The following SORCS3 variants were observed in gnomAD, a reference collection of about 807,000 sequenced individuals.
The protein encoded by SORCS3 is sortilin related VPS10 domain containing receptor 3.
In SORCS3, 57 loss-of-function variants were observed where a neutral mutation model predicts 146.3. That is an observed-to-expected ratio of 0.39 (90% CI 0.31 to 0.49). The LOEUF is 0.49. Ranked by LOEUF, SORCS3 falls within the 20% of genes least tolerant of loss-of-function variation. The pLI is 0.92. For missense variants in SORCS3, 1,341 were observed against 1,575.5 expected (o/e 0.85, Z 2.52); for synonymous variants, 653 against 618.5 (o/e 1.06, Z -0.83).
chr10:104,721,404 G>C (rs1295644528), intron 1 of SORCS3, among the ~76,000 whole-genome samples: 1 of 152,222 alleles, frequency 6.6e-6, no homozygotes, highest in Non-Finnish European at 1.5e-5. Flanking sequence ...TTGAAGTCAG[G>C]TAGCCTGATG....
At chr10:104,701,277 G>A (rs1050681417) in intron 1 of SORCS3, among the ~76,000 whole-genome samples, 4 of 152,188 alleles carry the variant, frequency 2.6e-5, no homozygotes, top group Non-Finnish European at 2.9e-5. Context: ...ACAAGGGGTA[G>A]GAGACGGATC....
At chr10:104,653,498 G>A (rs954517499) in intron 1 of SORCS3, among the ~76,000 whole-genome samples, 1 of 152,040 alleles carries the variant, frequency 6.6e-6, no homozygotes. Flanking sequence ...ATATCCTCAA[G>A]TAATCTTTTT....
rs921387647 is a variant in SORCS3 at position 104,736,794 on chromosome 10, A to C, written c.627+94840A>C. Among the ~76,000 whole-genome samples the C allele has an allele frequency of 1.9e-4, 26 of 137,598 alleles. 1 individual carries two copies. The highest frequency in any genetic ancestry group is 3.8e-3 in the Middle Eastern group (1 of 264). 90.3% of individuals were successfully genotyped at this position (137,598 alleles called of 152,430 possible). ...GTTTTCTTTTTTTTTTTTTATTATT[A>C]TTATACTTAAAGTTTTCGGGTACAT... On this transcript the variant is annotated intron_variant, in intron 1 of 26. Transcript: ENST00000369701.
chr10:105,216,779 G>C (rs2056667562), intron 18 of SORCS3, among the ~76,000 whole-genome samples, 157 bp from the exon 19 acceptor site: 1 of 152,142 alleles, frequency 6.6e-6, no homozygotes, highest in African/African-American at 2.4e-5. Flanking sequence ...GTACCCTGCG[G>C]ATCAGATAGG....
intron 4 of SORCS3, among the ~76,000 whole-genome samples, chr10:104,985,914 C>T (rs2054959587): frequency 6.6e-6 from 1 of 152,160 alleles, no homozygotes; most frequent in Non-Finnish European, 1.5e-5. Flanking sequence ...ATTTATAGAG[C>T]ACAGGCAGAG....
Position 105,164,386 on chromosome 10 carries a change from G to C in SORCS3, c.1809+7G>C. The C allele has an allele frequency of 6.2e-7, 1 of 1,605,346 alleles. No homozygotes were observed. The highest frequency in any genetic ancestry group is 8.5e-7 in the Non-Finnish European group (1 of 1,172,262). On this transcript the variant is annotated splice_region_variant and intron_variant, in intron 12 of 26. Transcript: ENST00000369701. Reference sequence around the variant, plus strand: ...GGGCAACACATGGAGACAGGTAACTGGGTGAATTGACAAAAAGGGAGGAGG... The same window carrying C: ...GGGCAACACATGGAGACAGGTAACTCGGTGAATTGACAAAAAGGGAGGAGG...
intron 6 of SORCS3, among the ~76,000 whole-genome samples, chr10:105,094,860 G>A (rs559258679): frequency 2.2e-4 from 33 of 152,198 alleles, no homozygotes; most frequent in South Asian, 1.4e-3. Context: ...GTGCAAGGCT[G>A]TAAATTATAA....
At chr10:104,842,652 C>T (rs2133547035) in intron 1 of SORCS3, 140 bp from the exon 2 acceptor site, 2 of 603,624 alleles carry the variant, frequency 3.3e-6, no homozygotes, top group East Asian at 2.8e-5. Context: ...CCTATAATAC[C>T]CCGCAACTCA....
intron 1 of SORCS3, among the ~76,000 whole-genome samples, chr10:104,656,120 A>C (rs1303205065): frequency 6.6e-6 from 1 of 152,202 alleles, no homozygotes; most frequent in Non-Finnish European, 1.5e-5. Context: ...TAACTTAGGA[A>C]GGGCAGAGAG....
rs557424991 is a variant in SORCS3, at chr10:104,983,201, A to G, written c.954+5708A>G. Among the ~76,000 whole-genome samples, 28 of 152,128 alleles carry G rather than the reference A, an allele frequency of 1.8e-4. 1 individual carries two copies. In the South Asian group the frequency reaches 5.4e-3, roughly 29 times the overall value. The stretch of plus-strand genomic sequence containing the variant: ...TTTTATGTAGAGATGAGGTTTTGCC[A>G]TGTTAGTCAGGCTGGTCTCAAGCTC... On this transcript the variant is annotated intron_variant, in intron 4 of 26. Transcript: ENST00000369701.
At chr10:105,018,531 A>G (rs554522013) in intron 4 of SORCS3, among the ~76,000 whole-genome samples, 2 of 152,356 alleles carry the variant, frequency 1.3e-5, no homozygotes, top group South Asian at 2.1e-4. Context: ...AGGGCAGGAA[A>G]ACAACAAATA....
intron 4 of SORCS3, among the ~76,000 whole-genome samples, chr10:105,004,318 A>G (rs2055080215): frequency 6.6e-6 from 1 of 152,148 alleles, no homozygotes; most frequent in African/African-American, 2.4e-5. Flanking sequence ...GGGACTCTCT[A>G]CGGAGGGATG....
chr10:104,961,803 T>C (rs2054797703), intron 3 of SORCS3, among the ~76,000 whole-genome samples: 1 of 152,072 alleles, frequency 6.6e-6, no homozygotes, highest in Admixed American at 6.6e-5. Flanking sequence ...TACAATGAAC[T>C]GAATATTTGG....
chr10:104,876,090 A>T (rs1331093864), intron 2 of SORCS3, among the ~76,000 whole-genome samples: 1 of 152,164 alleles, frequency 6.6e-6, no homozygotes, highest in African/African-American at 2.4e-5. Flanking sequence ...TCACCTTGAC[A>T]TGGTTATTAG....
chr10:104,898,536 T>C (rs2018821271), intron 2 of SORCS3, among the ~76,000 whole-genome samples: 1 of 152,196 alleles, frequency 6.6e-6, no homozygotes, highest in African/African-American at 2.4e-5. Context: ...TATATTCCTG[T>C]GGCAGGGACT....
intron 1 of SORCS3, among the ~76,000 whole-genome samples, chr10:104,688,346 C>T (rs1034005399): frequency 6.6e-6 from 1 of 152,170 alleles, no homozygotes; most frequent in Admixed American, 6.5e-5. Flanking sequence ...CAGGCAGAGG[C>T]TGCGTGTGTG....
At chr10:104,937,274 T>C (rs1344453926) in intron 3 of SORCS3, among the ~76,000 whole-genome samples, 4 of 152,210 alleles carry the variant, frequency 2.6e-5, no homozygotes, top group Non-Finnish European at 5.9e-5. Context: ...CTGACCAGTA[T>C]AGGGGTTGAG....
intron 1 of SORCS3, among the ~76,000 whole-genome samples, chr10:104,770,481 CAAT>C (rs965741911): frequency 2.6e-5 from 4 of 151,926 alleles, no homozygotes; most frequent in African/African-American, 9.7e-5. Flanking sequence ...GATAGAAGTA[CAAT>C]GAGTCACATA....
intron 1 of SORCS3, among the ~76,000 whole-genome samples, chr10:104,819,582 CT>C (rs2017849096): frequency 6.6e-6 from 1 of 152,190 alleles, no homozygotes; most frequent in African/African-American, 2.4e-5. Flanking sequence ...TGAACTTTTC[CT>C]TGGAGCGGGG....
Sources: allele counts gnomAD v4.1 joint callset (sites outside exome capture counted in the v4.1 genomes callset), GRCh38; gene constraint gnomAD v4.1.1; transcripts MANE v1.5; gene names NCBI Gene and HGNC (gene_info 2026-07-23, HGNC 2026-07-21).